The following ABCA1 variants were observed in gnomAD, a reference collection of about 807,000 sequenced individuals.
ABCA1 encodes phospholipid-transporting ATPase ABCA1.
Under a neutral mutation model 262.5 loss-of-function variants are expected in ABCA1, and 133 were observed. That is an observed-to-expected ratio of 0.51 (90% CI 0.44 to 0.59). The LOEUF (loss-of-function observed/expected upper bound fraction) is 0.59, where lower values mean the gene tolerates loss of function less well. Among genes scored for constraint, ABCA1 ranks in the 20% least tolerant of loss-of-function variants. The pLI is 0.00. For missense variants in ABCA1, 2,452 were observed against 2,777.5 expected (o/e 0.88, Z 2.63); for synonymous variants, 1,022 against 1,043.5 (o/e 0.98, Z 0.40).
chr9:104,829,830 T>C lies in ABCA1; in HGVS notation c.1893-692A>G, dbSNP rs1833104532. 2.0e-5 allele frequency among the ~76,000 whole-genome samples: 3 copies of C among 151,972 alleles called. No homozygotes were observed. The South Asian group carries it at 6.2e-4, about 32-fold the overall frequency. On this transcript the variant is annotated intron_variant, in intron 14 of 49. Transcript: ENST00000374736. ...ATTGTTTAGAAGGTGAAAAACAGGATAATTTCTGGTGACCTTGAAAAGCTA... is the reference window on the plus strand; with the variant it reads ...ATTGTTTAGAAGGTGAAAAACAGGACAATTTCTGGTGACCTTGAAAAGCTA...
intron 1 of ABCA1, among the ~76,000 whole-genome samples, chr9:104,922,138 T>C (rs10991413): frequency 0.09 from 13,692 of 152,312 alleles, 678 homozygotes; most frequent in Middle Eastern, 0.17. Context: ...TCCTCCATTG[T>C]TGGAATAAAT....
rs1273252900 is a variant in ABCA1 at position 104,786,979 on chromosome 9, G to A, written c.6205-3C>T. The A allele has an allele frequency of 6.2e-7, 1 of 1,611,546 alleles. No homozygotes were observed. The highest frequency in any genetic ancestry group is 8.5e-7 in the Non-Finnish European group (1 of 1,179,020). On this transcript the variant is annotated splice_region_variant and splice_polypyrimidine_tract_variant and intron_variant, in intron 46 of 49. Transcript: ENST00000374736. The stretch of plus-strand genomic sequence containing the variant: ...TCCATGCCTGTGGTGGGTTCATCCT[G>A]TAATTAGAATAAAATAAGTCTTATT...
chr9:104,920,801 C>T (rs962684553), intron 1 of ABCA1, among the ~76,000 whole-genome samples: 2 of 152,182 alleles, frequency 1.3e-5, no homozygotes, highest in East Asian at 1.9e-4. Context: ...GAAGCCATCG[C>T]GCCCGGCCTA....
chr9:104,913,330 T>C (rs1841613555), intron 1 of ABCA1, among the ~76,000 whole-genome samples: 1 of 152,214 alleles, frequency 6.6e-6, no homozygotes, highest in Non-Finnish European at 1.5e-5. Flanking sequence ...GAATCCTGAC[T>C]CTGCTACTCA....
In ABCA1 at chr9:104,883,020, A is replaced by C; in HGVS notation, c.421+19T>G. ...TCAATTTCCAATTATAAACGGATGC[A>C]GAGAAGGTTTTTACTTACTTGAGCT... On this transcript the variant is annotated intron_variant, in intron 5 of 49. Coordinates refer to ENST00000374736, the MANE Select transcript of ABCA1 (RefSeq NM_005502.4). The C allele has an allele frequency of 6.3e-7, 1 of 1,584,756 alleles. No homozygotes were observed. The highest frequency in any genetic ancestry group is 8.7e-7 in the Non-Finnish European group (1 of 1,153,178).
chr9:104,812,473 G>T, intron 28 of ABCA1, 101 bp downstream of exon 28: 1 of 1,474,226 alleles, frequency 6.8e-7, no homozygotes, highest in Non-Finnish European at 9.4e-7. Flanking sequence ...TCTGGCTCCG[G>T]CATCCATATC....
chr9:104,897,158 G>C (rs2118390748), intron 2 of ABCA1, among the ~76,000 whole-genome samples: 1 of 152,240 alleles, frequency 6.6e-6, no homozygotes, highest in South Asian at 2.1e-4. Flanking sequence ...ATCCCTAACA[G>C]CATACATGCC....
chr9:104,899,535 A>T (rs891527821), intron 2 of ABCA1, among the ~76,000 whole-genome samples: 1 of 151,986 alleles, frequency 6.6e-6, no homozygotes, highest in Non-Finnish European at 1.5e-5. Context: ...CTCTACTAAA[A>T]ATACAAAAAT....
intron 20 of ABCA1, among the ~76,000 whole-genome samples, chr9:104,821,121 G>C (rs1053001992): frequency 5.9e-5 from 9 of 151,930 alleles, no homozygotes; most frequent in Non-Finnish European, 1.2e-4. Context: ...TGTGTGCCTA[G>C]AGTCCCAGCT....
At chr9:104,914,500 TAA>T (rs80006856) in intron 1 of ABCA1, among the ~76,000 whole-genome samples, 18 of 136,198 alleles carry the variant, frequency 1.3e-4, no homozygotes, top group African/African-American at 1.1e-4. Flanking sequence ...AACTCCATCT[TAA>T]AAAAAAAAAA....
chr9:104,842,498 G>A (rs1193753662), intron 8 of ABCA1, among the ~76,000 whole-genome samples: 1 of 152,068 alleles, frequency 6.6e-6, no homozygotes, highest in Non-Finnish European at 1.5e-5. Context: ...ATAAATTATT[G>A]AGTTATTCCA....
intron 1 of ABCA1, among the ~76,000 whole-genome samples, chr9:104,917,739 G>C (rs948371654): frequency 6.6e-6 from 1 of 151,712 alleles, no homozygotes; most frequent in Non-Finnish European, 1.5e-5. Flanking sequence ...GGGCAACAGA[G>C]CAAGACTCGT....
At chr9:104,819,435 A>C in intron 22 of ABCA1, 151 bp downstream of exon 22, 1 of 1,084,864 alleles carries the variant, frequency 9.2e-7, no homozygotes, top group Non-Finnish European at 1.4e-6. Context: ...CCTCTCAGGA[A>C]TCTCAGTCTC....
At chr9:104,864,013 T>C (rs1394775814) in intron 5 of ABCA1, among the ~76,000 whole-genome samples, 1 of 152,218 alleles carries the variant, frequency 6.6e-6, no homozygotes, top group African/African-American at 2.4e-5. Flanking sequence ...ACACTTTTAA[T>C]GTTGGGGGAG....
rs1418010894 is a variant in ABCA1 at position 104,821,483 on chromosome 9, G to T, written c.2852C>A (p.Pro951His). The change falls in exon 20 of 50, where the codon CCC becomes CAC. Residue 951 changes from proline (P) to histidine (H), a missense_variant. Around this residue, in one of 4 missense-constraint regions of ABCA1, gnomAD observed 665 missense variants for 727.3 expected, o/e 0.91. Coordinates refer to ENST00000374736, the MANE Select transcript of ABCA1 (RefSeq NM_005502.4). ...GATGTAGGCGGTGCCCGAGGTCGGG[G>T]GGAACAACCCGGTCAGGATTGACCT... ...TTMSILTGLF[P>H]PTSGTAYILG... is the part of the protein sequence containing the mutation. 6.2e-7 allele frequency: 1 copy of T among 1,614,044 alleles called. No homozygotes were observed. Among genetic ancestry groups the T allele is most frequent in the South Asian group, 1.1e-5 (1 of 91,072 alleles).
chr9:104,838,155 G>C (rs1033219009), intron 9 of ABCA1, among the ~76,000 whole-genome samples: 7 of 151,906 alleles, frequency 4.6e-5, no homozygotes, highest in African/African-American at 1.7e-4. Flanking sequence ...GAGAAACCCT[G>C]TCTCTACTAA....
intron 8 of ABCA1, among the ~76,000 whole-genome samples, chr9:104,842,646 C>T (rs1416675540): frequency 6.6e-6 from 1 of 152,166 alleles, no homozygotes; most frequent in Middle Eastern, 3.2e-3. Flanking sequence ...CTTTAGCCCA[C>T]GGATGATGGT....
At chr9:104,885,274 G>A (rs1243470456) in intron 3 of ABCA1, among the ~76,000 whole-genome samples, 5 of 152,122 alleles carry the variant, frequency 3.3e-5, no homozygotes, top group Admixed American at 6.6e-5. Context: ...TAAAGTGACT[G>A]ACAAAGAACA....
Position 104,892,012 on chromosome 9 carries a change from C to T in ABCA1, c.67-2817G>A, listed in dbSNP as rs115464783. 8.0e-3 allele frequency among the ~76,000 whole-genome samples: 1,034 copies of T among 129,352 alleles called. 14 individuals carry two copies. Among genetic ancestry groups the T allele is most frequent in the African/African-American group, 0.027 (958 of 35,278 alleles). 84.9% of individuals were successfully genotyped at this position (129,352 alleles called of 152,430 possible). ...AAAAAAAAAAGTGATGTTTTTAATA[C>T]TTTCCTGTCTTTTCTAAATTTTCCA... On this transcript the variant is annotated intron_variant, in intron 2 of 49. Transcript: ENST00000374736.
Sources: gnomAD v4.1 joint callset for allele counts (sites outside exome capture counted in the v4.1 genomes callset) on GRCh38, gnomAD v4.1.1 for gene constraint, gnomAD v4.1.1 regional missense constraint, MANE v1.5 for transcripts, NCBI Gene and HGNC (gene_info 2026-07-23, HGNC 2026-07-21) for gene names.